Variants in COL21A1 observed in about 807,000 individuals in gnomAD.
COL21A1 encodes the protein collagen type XXI alpha 1 chain, also known as collagen alpha-1(XXI) chain.
In COL21A1, 149 loss-of-function variants were observed where a neutral mutation model predicts 137.9. That is an observed-to-expected ratio of 1.08 (90% CI 0.95 to 1.24). The LOEUF (loss-of-function observed/expected upper bound fraction) is 1.24. Ranked by LOEUF, COL21A1 falls within the 50% of genes most tolerant of loss-of-function variation. The probability of loss-of-function intolerance (pLI) is 0.00; values close to 1 mark genes in which losing one functional copy is unlikely to be tolerated. For missense variants in COL21A1, 1,167 were observed against 1,158.4 expected, an observed-to-expected ratio of 1.01 and a Z score of -0.11; for synonymous variants, 456 against 391.5, an observed-to-expected ratio of 1.16 and a Z score of -1.95.
At chr6:56,098,382 T>A (rs1432291869) in intron 17 of COL21A1, among the ~76,000 whole-genome samples, 1 of 36,316 alleles carries the variant, frequency 2.8e-5, no homozygotes, top group Non-Finnish European at 4.1e-5. Context: ...TAAATATATA[T>A]AAATATATAA....
At chr6:56,292,644 A>C (rs1764076805) in intron 1 of COL21A1, among the ~76,000 whole-genome samples, 1 of 152,192 alleles carries the variant, frequency 6.6e-6, no homozygotes, top group African/African-American at 2.4e-5. Context: ...CAGTGCCAAC[A>C]CATGGACACA....
chr6:56,323,029 T>C (rs907556270), intron 1 of COL21A1, among the ~76,000 whole-genome samples: 75 of 151,960 alleles, frequency 4.9e-4, no homozygotes, highest in African/African-American at 1.7e-3. Flanking sequence ...GGTGGGAGGA[T>C]AGGAGGTGGC....
At chr6:56,141,720 T>C in intron 12 of COL21A1, 65 bp downstream of exon 12, 1 of 1,532,062 alleles carries the variant, frequency 6.5e-7, no homozygotes, top group Non-Finnish European at 9.0e-7. Flanking sequence ...ATGGAAACCA[T>C]CACAGCTAAC....
At chr6:56,227,815 T>A (rs1781306600) in intron 1 of COL21A1, among the ~76,000 whole-genome samples, 1 of 151,944 alleles carries the variant, frequency 6.6e-6, no homozygotes, top group Non-Finnish European at 1.5e-5. Flanking sequence ...GAGACCTTAA[T>A]GGAGGTATGT....
chr6:56,087,294 G>A (rs1299480168), intron 17 of COL21A1, among the ~76,000 whole-genome samples: 5 of 152,118 alleles, frequency 3.3e-5, no homozygotes, highest in African/African-American at 1.2e-4. Flanking sequence ...TCTCTGCTGG[G>A]GTTCTCTTCT....
chr6:56,237,140 A>C (rs1272232330), intron 1 of COL21A1, among the ~76,000 whole-genome samples: 1 of 10,592 alleles, frequency 9.4e-5, no homozygotes, highest in African/African-American at 1.0e-3. Context: ...ATTCGAAAGG[A>C]AAAAAAGCCA....
intron 1 of COL21A1, among the ~76,000 whole-genome samples, chr6:56,304,431 A>C (rs2152338063): frequency 6.6e-6 from 1 of 152,184 alleles, no homozygotes; most frequent in African/African-American, 2.4e-5. Flanking sequence ...GTCTATTCAG[A>C]GATTCAACTT....
chr6:56,209,519 A>G (rs920542187), intron 1 of COL21A1, among the ~76,000 whole-genome samples: 8 of 152,216 alleles, frequency 5.3e-5, no homozygotes, highest in African/African-American at 7.2e-5. Flanking sequence ...ACCAACAAGC[A>G]TATGAAAAAT....
chr6:56,329,106 T>C (rs746798669), intron 1 of COL21A1, among the ~76,000 whole-genome samples: 1 of 152,164 alleles, frequency 6.6e-6, no homozygotes, highest in Non-Finnish European at 1.5e-5. Flanking sequence ...AAAAAAGCAG[T>C]ATCTATTTAC....
intron 3 of COL21A1, among the ~76,000 whole-genome samples, chr6:56,173,524 A>G (rs776211397): frequency 1.6e-4 from 25 of 152,178 alleles, no homozygotes; most frequent in Admixed American, 1.3e-4. Flanking sequence ...AAAAATGAAA[A>G]AAGATATTCC....
At chr6:56,236,149 T>C (rs1297464105) in intron 1 of COL21A1, among the ~76,000 whole-genome samples, 2 of 151,974 alleles carry the variant, frequency 1.3e-5, no homozygotes, top group East Asian at 3.9e-4. Flanking sequence ...AGTGGAGATA[T>C]AAACACAAAC....
At chr6:56,260,217 C>G (rs1393312588) in intron 1 of COL21A1, among the ~76,000 whole-genome samples, 4 of 152,106 alleles carry the variant, frequency 2.6e-5, no homozygotes, top group Non-Finnish European at 4.4e-5. Flanking sequence ...TAACCATGGA[C>G]TTAACTCACA....
chr6:56,360,093 T>G (rs1765930721), intron 1 of COL21A1, among the ~76,000 whole-genome samples: 1 of 152,194 alleles, frequency 6.6e-6, no homozygotes, highest in African/African-American at 2.4e-5. Flanking sequence ...TAAATCATTC[T>G]CCTGGAATTG....
intron 17 of COL21A1, among the ~76,000 whole-genome samples, chr6:56,090,017 G>A (rs12194733): frequency 0.15 from 23,124 of 152,148 alleles, 1,788 homozygotes; most frequent in Middle Eastern, 0.22. Context: ...TGAGGAGGGC[G>A]GATCATGATG....
intron 12 of COL21A1, among the ~76,000 whole-genome samples, chr6:56,134,994 C>A (rs992874542): frequency 6.6e-6 from 1 of 151,918 alleles, no homozygotes; most frequent in African/African-American, 2.4e-5. Flanking sequence ...GCTTACCTAA[C>A]TTTACTCCAA....
chr6:56,326,640 A>T (rs1337502978), intron 1 of COL21A1, among the ~76,000 whole-genome samples: 3 of 152,008 alleles, frequency 2.0e-5, no homozygotes. Context: ...ACAATTTTAC[A>T]ATCTTACCTG....
intron 3 of COL21A1, among the ~76,000 whole-genome samples, chr6:56,173,151 A>T (rs1391802417): frequency 6.6e-6 from 1 of 152,124 alleles, no homozygotes; most frequent in Non-Finnish European, 1.5e-5. Context: ...TCTATGAAAG[A>T]CTCTAGCCTG....
intron 1 of COL21A1, among the ~76,000 whole-genome samples, chr6:56,281,205 A>G (rs1418382177): frequency 6.6e-6 from 1 of 152,138 alleles, no homozygotes; most frequent in Non-Finnish European, 1.5e-5. Flanking sequence ...ACAGCCTAGC[A>G]TGTTTGGGCT....
At chr6:56,108,063 C>T (rs528687244) in intron 16 of COL21A1, among the ~76,000 whole-genome samples, 6 of 151,646 alleles carry the variant, frequency 4.0e-5, no homozygotes, top group South Asian at 2.1e-4. Flanking sequence ...AATTCTGAAA[C>T]GGATATTTAC....
Sources: gnomAD v4.1 joint callset for allele counts (sites outside exome capture counted in the v4.1 genomes callset) on GRCh38, gnomAD v4.1.1 for gene constraint, MANE v1.5 for transcripts, NCBI Gene and HGNC (gene_info 2026-07-23, HGNC 2026-07-21) for gene names.